FBLN7: variants seen among roughly 807,000 people sequenced by gnomAD.
FBLN7 encodes the protein fibulin-7.
Under a neutral mutation model 44.0 loss-of-function variants are expected in FBLN7, and 31 were observed. That is an observed-to-expected ratio of 0.70 (90% CI 0.53 to 0.95). FBLN7 has a LOEUF of 0.95. FBLN7 is among the 40% of genes least tolerant of loss of function. The pLI, the probability that FBLN7 is intolerant of heterozygous loss-of-function variation, is 0.00. For missense variants in FBLN7, 573 were observed against 618.5 expected, an observed-to-expected ratio of 0.93 and a Z score of 0.78; for synonymous variants, 262 against 253.4, an observed-to-expected ratio of 1.03 and a Z score of -0.32.
chr2:112,234,129 T>G, the FBLN7 span: 1 of 1,572,084 alleles, frequency 6.4e-7, no homozygotes, highest in Non-Finnish European at 8.7e-7. Flanking sequence ...CCTTAATACA[T>G]TTCCTTTCAA....
the FBLN7 span, among the ~76,000 whole-genome samples, chr2:112,229,117 A>G: frequency 2.6e-5 from 4 of 152,218 alleles, no homozygotes; most frequent in African/African-American, 9.6e-5. Flanking sequence ...CTGACATCCC[A>G]GAAACAGACC....
the FBLN7 span, among the ~76,000 whole-genome samples, chr2:112,204,071 T>C: frequency 6.6e-6 from 1 of 151,880 alleles, no homozygotes; most frequent in South Asian, 2.1e-4. Flanking sequence ...AAGAAAACCA[T>C]GTCTAAAGGA....
chr2:112,156,246 A>G (rs1316431949), intron 1 of FBLN7, among the ~76,000 whole-genome samples: 1 of 152,160 alleles, frequency 6.6e-6, no homozygotes, highest in Non-Finnish European at 1.5e-5. Context: ...TGTGAGAACA[A>G]AGGAGGCAGT....
the FBLN7 span, among the ~76,000 whole-genome samples, chr2:112,221,240 G>T: frequency 6.6e-6 from 1 of 152,108 alleles, no homozygotes; most frequent in Non-Finnish European, 1.5e-5. Context: ...CTGGATAATG[G>T]GGGCAGATTT....
At chr2:112,160,786 GCACACGCA>G (rs3080946) in intron 2 of FBLN7, among the ~76,000 whole-genome samples, 147 of 100,738 alleles carry the variant, frequency 1.5e-3, no homozygotes, top group African/African-American at 6.0e-3. Flanking sequence ...GCACACGCAC[GCACACGCA>G]CACACGCACG....
chr2:112,201,418 C>T, the FBLN7 span, among the ~76,000 whole-genome samples: 19 of 152,228 alleles, frequency 1.2e-4, no homozygotes, highest in Admixed American at 5.9e-4. Context: ...TCTCAGGTCT[C>T]GCATTTGTTC....
At chr2:112,174,275 A>C (rs1430072482) in intron 3 of FBLN7, among the ~76,000 whole-genome samples, 1 of 152,230 alleles carries the variant, frequency 6.6e-6, no homozygotes, top group Non-Finnish European at 1.5e-5. Context: ...TTCTGCAAAC[A>C]GAATGTATGA....
chr2:112,190,310 G>A (rs1407676716), downstream of FBLN7: 1 of 152,148 alleles, frequency 6.6e-6, no homozygotes, highest in African/African-American at 2.4e-5. Context: ...CTTCTGTAGG[G>A]ATTGCAATTA....
chr2:112,181,644 T>C (rs959107674), intron 4 of FBLN7, 95 bp from the exon 5 acceptor site: 3 of 1,304,802 alleles, frequency 2.3e-6, no homozygotes, highest in Non-Finnish European at 2.9e-6. Context: ...GAAGGGGCCG[T>C]GCCTCCGTCT....
chr2:112,138,543 C>T lies in FBLN7; in HGVS notation c.-113C>T. 1.1e-5 allele frequency: 16 copies of T among 1,488,050 alleles called. No individual in the cohort carries two copies. Among genetic ancestry groups the T allele is most frequent in the Non-Finnish European group, 1.5e-5 (16 of 1,103,280 alleles). The allele number at this position is 1,488,050 out of a possible 1,614,324, so 92.2% of individuals were successfully genotyped here. A position where few individuals can be genotyped will look rare whatever the true frequency, so the allele number is the denominator to read the frequency against. ...CTCCCCCCCTGCCCCAGCCGCCCCC[C>T]GGCCGCGCGGCGCCCCGCACCCTGC... On this transcript the variant is annotated 5_prime_UTR_variant, in exon 1 of 8. Coordinates refer to ENST00000331203, the MANE Select transcript of FBLN7 (RefSeq NM_153214.3).
the FBLN7 span, among the ~76,000 whole-genome samples, chr2:112,225,915 C>G: frequency 6.6e-6 from 1 of 151,996 alleles, no homozygotes; most frequent in African/African-American, 2.4e-5. Context: ...AACCCCATCT[C>G]TACTAAAAAT....
At chr2:112,160,716 G>GCA (rs1558879769) in intron 2 of FBLN7, among the ~76,000 whole-genome samples, 16 of 92,960 alleles carry the variant, frequency 1.7e-4, no homozygotes, top group African/African-American at 6.6e-4. Context: ...ACACACACAA[G>GCA]CACGCGCACA....
At chr2:112,229,093 C>T in the FBLN7 span, among the ~76,000 whole-genome samples, 2 of 152,138 alleles carry the variant, frequency 1.3e-5, no homozygotes, top group African/African-American at 4.8e-5. Context: ...GAGAAAAAGA[C>T]AAATGGAGAA....
chr2:112,186,548 G>A (rs567931957), intron 7 of FBLN7, among the ~76,000 whole-genome samples: 3 of 152,278 alleles, frequency 2.0e-5, no homozygotes, highest in Admixed American at 6.5e-5. Flanking sequence ...GCTGAGACAG[G>A]AGAATCACTT....
At chr2:112,226,551 T>C in the FBLN7 span, among the ~76,000 whole-genome samples, 2 of 125,234 alleles carry the variant, frequency 1.6e-5, no homozygotes, top group African/African-American at 6.4e-5. Context: ...ATTGTGCCAC[T>C]GCACTCCAGC....
the FBLN7 span, among the ~76,000 whole-genome samples, chr2:112,234,994 G>A: frequency 2.0e-5 from 3 of 151,924 alleles, no homozygotes; most frequent in Non-Finnish European, 2.9e-5. Context: ...ATTAACACAC[G>A]CAACTAGAAA....
At chr2:112,236,711 T>A in the FBLN7 span, 7 of 1,584,618 alleles carry the variant, frequency 4.4e-6, no homozygotes, top group Non-Finnish European at 6.0e-6. Flanking sequence ...AACAAAAAAT[T>A]AATTTAAAAA....
the FBLN7 span, among the ~76,000 whole-genome samples, chr2:112,228,549 A>G: frequency 6.6e-6 from 1 of 152,134 alleles, no homozygotes; most frequent in Non-Finnish European, 1.5e-5. Context: ...ACATGTAAAA[A>G]AAAGTTTTGC....
chr2:112,161,669 G>A (rs1290761701), intron 2 of FBLN7, among the ~76,000 whole-genome samples: 2 of 151,170 alleles, frequency 1.3e-5, no homozygotes, highest in East Asian at 3.9e-4. Context: ...CCATGTGAGA[G>A]GGCCCTGCCC....
Sources: gnomAD v4.1 joint callset for allele counts (sites outside exome capture counted in the v4.1 genomes callset) on GRCh38, gnomAD v4.1.1 for gene constraint, MANE v1.5 for transcripts, NCBI Gene and HGNC (gene_info 2026-07-23, HGNC 2026-07-21) for gene names.